The following RIMS1 variants were observed in gnomAD, a reference collection of about 807,000 sequenced individuals.
The protein encoded by RIMS1 is regulating synaptic membrane exocytosis 1.
In RIMS1, 83 loss-of-function variants were observed where a neutral mutation model predicts 214.1. That is an observed-to-expected ratio of 0.39 (90% confidence interval 0.32 to 0.47). The LOEUF is 0.47. Among genes scored for constraint, RIMS1 ranks in the 20% least tolerant of loss-of-function variants. RIMS1 has a pLI of 0.99. For synonymous variants in RIMS1, 793 were observed against 786.8 expected (o/e 1.01, Z -0.13); for missense variants, 2,050 against 2,161.8 (o/e 0.95, Z 1.03).
At chr6:72,138,865 T>A (rs2041723164) in intron 4 of RIMS1, among the ~76,000 whole-genome samples, 1 of 152,172 alleles carries the variant, frequency 6.6e-6, no homozygotes, top group Admixed American at 6.5e-5. Context: ...GAAGTGTAGG[T>A]TACTACTGCT....
chr6:72,377,682 C>A (rs769343855), intron 29 of RIMS1, among the ~76,000 whole-genome samples: 1 of 152,074 alleles, frequency 6.6e-6, no homozygotes, highest in Non-Finnish European at 1.5e-5. Flanking sequence ...CTCACTGATT[C>A]CATCTTTGTG....
intron 2 of RIMS1, among the ~76,000 whole-genome samples, chr6:72,072,642 C>T (rs1232776096): frequency 1.3e-5 from 2 of 152,084 alleles, no homozygotes; most frequent in Non-Finnish European, 2.9e-5. Context: ...TGGGAAACCA[C>T]AATGCAAAGC....
At chr6:72,261,290 A>C (rs2077887034) in intron 19 of RIMS1, 2 of 999,258 alleles carry the variant, frequency 2.0e-6, no homozygotes, top group Non-Finnish European at 2.4e-6. Flanking sequence ...TTCTTGATGA[A>C]AAGTGAAGAT....
At chr6:72,130,247 G>A (rs755254031) in intron 4 of RIMS1, among the ~76,000 whole-genome samples, 6 of 152,066 alleles carry the variant, frequency 3.9e-5, no homozygotes, top group Non-Finnish European at 5.9e-5. Flanking sequence ...TATGTTGAAT[G>A]ACATTTACTT....
intron 6 of RIMS1, among the ~76,000 whole-genome samples, chr6:72,196,936 GTATT>G (rs2051095924): frequency 6.6e-6 from 1 of 151,976 alleles, no homozygotes; most frequent in Non-Finnish European, 1.5e-5. Context: ...TGTTCATTCA[GTATT>G]TGTTGACACA....
chr6:72,081,819 G>C (rs1294023849), intron 2 of RIMS1, among the ~76,000 whole-genome samples: 7 of 152,096 alleles, frequency 4.6e-5, no homozygotes, highest in African/African-American at 1.7e-4. Flanking sequence ...GGATATAAAA[G>C]AACTTAAGTT....
intron 1 of RIMS1, among the ~76,000 whole-genome samples, chr6:71,911,415 T>A (rs997323668): frequency 6.6e-6 from 1 of 152,138 alleles, no homozygotes; most frequent in Non-Finnish European, 1.5e-5. Context: ...AACAATTTTC[T>A]TATCTATCTC....
chr6:72,167,888 T>G (rs191913991), intron 4 of RIMS1, among the ~76,000 whole-genome samples: 2 of 78,542 alleles, frequency 2.5e-5, no homozygotes, highest in East Asian at 8.3e-4. Context: ...GTCCATTGAT[T>G]TTTTTCTAGG....
At chr6:71,995,890 G>A (rs747419459) in intron 2 of RIMS1, among the ~76,000 whole-genome samples, 3 of 152,052 alleles carry the variant, frequency 2.0e-5, no homozygotes, top group East Asian at 1.9e-4. Flanking sequence ...CAGTTCAAGC[G>A]ATTCTCCTTC....
chr6:72,056,561 T>C (rs1826236059), intron 2 of RIMS1, among the ~76,000 whole-genome samples: 1 of 152,238 alleles, frequency 6.6e-6, no homozygotes, highest in South Asian at 2.1e-4. Context: ...CTTTTTACTT[T>C]CATATTTTCA....
At chr6:72,164,196 C>A (rs951190840) in intron 4 of RIMS1, among the ~76,000 whole-genome samples, 1 of 152,188 alleles carries the variant, frequency 6.6e-6, no homozygotes, top group African/African-American at 2.4e-5. Flanking sequence ...GAGCCAAGTG[C>A]AGGATATAAT....
rs1168375463 is a variant in RIMS1 at position 72,368,292 on chromosome 6, A to ATTT, written c.4367-22281_4367-22279dup. Among the ~76,000 whole-genome samples the ATTT allele has an allele frequency of 1.3e-3, 99 of 79,126 alleles. 13 individuals are homozygous for ATTT. The highest frequency in any genetic ancestry group is 3.3e-3 in the African/African-American group (63 of 19,040). 51.9% of individuals were successfully genotyped at this position (79,126 alleles called of 152,430 possible). On this transcript the variant is annotated intron_variant, in intron 29 of 33. Transcript: ENST00000521978. Reference sequence around the variant, plus strand: ...AACAGTACAGAATCAGTGTTGTCTGATTTTTTTTTTTTTTTTTTTTTTTTT... The same window carrying ATTT: ...AACAGTACAGAATCAGTGTTGTCTGATTTTTTTTTTTTTTTTTTTTTTTTTTTT...
At chr6:72,153,738 G>T (rs1301252364) in intron 4 of RIMS1, among the ~76,000 whole-genome samples, 2 of 152,134 alleles carry the variant, frequency 1.3e-5, no homozygotes, top group East Asian at 3.8e-4. Context: ...TATGGAAGAA[G>T]AACTAATTTG....
Position 72,112,596 on chromosome 6 carries a change from G to C in RIMS1, c.471+12610G>C, listed in dbSNP as rs567905165. Among the ~76,000 whole-genome samples, 5 of 152,040 alleles carry C rather than the reference G, an allele frequency of 3.3e-5. No individual in the cohort carries two copies. In the East Asian group the frequency reaches 9.7e-4, roughly 30 times the overall value. On this transcript the variant is annotated intron_variant, in intron 4 of 33. Transcript: ENST00000521978. ...GCATACTAAACAAAGCCCTGCCTCAGGCTGCTAGCATAACTCTCTTTTCCT... is the reference window on the plus strand; with the variant it reads ...GCATACTAAACAAAGCCCTGCCTCACGCTGCTAGCATAACTCTCTTTTCCT...
rs189938227 is a variant in RIMS1, at chr6:72,033,567, C to G, written c.246-63382C>G. ...TGTGATCTCGGCTCACTGCTACCTC[C>G]GCCTCCCAGGTTCAAGTGATTCTCC... On this transcript the variant is annotated intron_variant, in intron 2 of 33. Transcript: ENST00000521978. Among the ~76,000 whole-genome samples the G allele has an allele frequency of 6.0e-5, 9 of 151,160 alleles. No individual in the cohort carries two copies. The East Asian group carries it at 1.8e-3, about 29-fold the overall frequency.
At chr6:72,352,961 T>G (rs1306008235) in intron 29 of RIMS1, among the ~76,000 whole-genome samples, 2 of 151,722 alleles carry the variant, frequency 1.3e-5, no homozygotes, top group Non-Finnish European at 2.9e-5. Context: ...ATTAAGTCAT[T>G]TGAGAGTTTA....
intron 4 of RIMS1, among the ~76,000 whole-genome samples, chr6:72,171,181 A>G (rs1293913910): frequency 2.0e-5 from 3 of 152,100 alleles, no homozygotes; most frequent in Non-Finnish European, 4.4e-5. Flanking sequence ...TTAGTCATTT[A>G]CAGAAACAAG....
At chr6:72,061,385 C>T (rs1827812354) in intron 2 of RIMS1, among the ~76,000 whole-genome samples, 1 of 152,200 alleles carries the variant, frequency 6.6e-6, no homozygotes, top group South Asian at 2.1e-4. Flanking sequence ...CTTTTAGTTA[C>T]ACAGTTAGGC....
chr6:72,364,270 T>G (rs554613392), intron 29 of RIMS1, among the ~76,000 whole-genome samples: 1 of 152,308 alleles, frequency 6.6e-6, no homozygotes, highest in East Asian at 1.9e-4. Flanking sequence ...TCTGACACAT[T>G]ATAACGAGGA....
Sources: allele counts gnomAD v4.1 joint callset (sites outside exome capture counted in the v4.1 genomes callset), GRCh38; gene constraint gnomAD v4.1.1; transcripts MANE v1.5; gene names NCBI Gene and HGNC (gene_info 2026-07-23, HGNC 2026-07-21).